DENND2A: variants seen among roughly 807,000 people sequenced by gnomAD.
DENND2A encodes the protein DENN domain containing 2A.
In DENND2A, 53 loss-of-function variants were observed where a neutral mutation model predicts 105.3. That is an observed-to-expected ratio of 0.50 (90% CI 0.40 to 0.63). The LOEUF is 0.63. Among genes scored for constraint, DENND2A ranks in the 30% least tolerant of loss-of-function variants. The pLI is 0.00. For missense variants in DENND2A, 1,138 were observed against 1,279.6 expected (o/e 0.89, Z 1.69); for synonymous variants, 522 against 508.4 (o/e 1.03, Z -0.36).
intron 6 of DENND2A, among the ~76,000 whole-genome samples, chr7:140,573,512 C>G (rs765536960): frequency 1.3e-5 from 2 of 152,046 alleles, no homozygotes; most frequent in Admixed American, 6.6e-5. Flanking sequence ...TTTTTTGTGG[C>G]GGTGAAGGAA....
intron 1 of DENND2A, among the ~76,000 whole-genome samples, chr7:140,631,294 T>C (rs2130737603): frequency 6.6e-6 from 1 of 152,310 alleles, no homozygotes; most frequent in Non-Finnish European, 1.5e-5. Context: ...GTTCTGCTTC[T>C]TTCTTGGTCC....
intron 12 of DENND2A, among the ~76,000 whole-genome samples, chr7:140,550,107 G>T (rs1200063948): frequency 8.0e-6 from 1 of 125,030 alleles, no homozygotes; most frequent in Non-Finnish European, 1.7e-5. Context: ...AATGGCGATG[G>T]TGAGGGGTTA....
intron 11 of DENND2A, among the ~76,000 whole-genome samples, chr7:140,557,755 G>T (rs992444760): frequency 1.0e-4 from 15 of 149,394 alleles, no homozygotes. Flanking sequence ...AGCCAGGATG[G>T]TCTCGATCTC....
At chr7:140,594,456 C>T (rs898080522) in intron 3 of DENND2A, among the ~76,000 whole-genome samples, 57 of 152,280 alleles carry the variant, frequency 3.7e-4, no homozygotes, top group African/African-American at 1.3e-3. Context: ...TCCCCACCCT[C>T]CCGCTGGCCC....
chr7:140,555,602 T>C (rs201765167), intron 12 of DENND2A, 34 bp downstream of exon 12: 6 of 1,606,060 alleles, frequency 3.7e-6, no homozygotes, highest in Non-Finnish European at 5.1e-6. Flanking sequence ...TCCCGTTCCT[T>C]CCCTTCCTCT....
rs6965644 is a variant in DENND2A, at chr7:140,527,674, A to G, written c.2328-179T>C. Among the ~76,000 whole-genome samples the G allele has an allele frequency of 0.36, 55,064 of 151,706 alleles. 10,300 individuals are homozygous for G. The highest frequency in any genetic ancestry group is 0.42 in the Admixed American group (6,395 of 15,262). On this transcript the variant is annotated intron_variant, in intron 14 of 19. Coordinates refer to ENST00000496613, the MANE Select transcript of DENND2A (RefSeq NM_015689.5). The surrounding 1 kb of genome is among the most constrained non-coding windows in gnomAD (Gnocchi z 4.9). ...ACACCAGGCACTTAGAGCCTATGCG[A>G]GAGGCTTGCAGGCACAGCTACAGGG... is the stretch of plus-strand genomic sequence containing the variant.
chr7:140,618,562 G>C (rs1430426555), intron 1 of DENND2A, among the ~76,000 whole-genome samples: 1 of 152,136 alleles, frequency 6.6e-6, no homozygotes, highest in African/African-American at 2.4e-5. Context: ...TCTATGTTTT[G>C]AATCCAAGTC....
chr7:140,549,582 A>G (rs1797035912), intron 12 of DENND2A, among the ~76,000 whole-genome samples: 1 of 152,142 alleles, frequency 6.6e-6, no homozygotes, highest in Non-Finnish European at 1.5e-5. Flanking sequence ...AACATAAAAT[A>G]TATCAATGAT....
At chr7:140,573,436 G>T (rs973605760) in intron 6 of DENND2A, among the ~76,000 whole-genome samples, 15 of 152,342 alleles carry the variant, frequency 9.8e-5, no homozygotes, top group Middle Eastern at 3.4e-3. Flanking sequence ...TCAGAGCACA[G>T]ACTGGGACCT....
Position 140,609,230 on chromosome 7 carries a change from T to C in DENND2A, c.-247-3424A>G, listed in dbSNP as rs140884688. ...GCTATTACTAATAATTTTAATTAAC[T>C]GGCTGGGCATGGTGGCTCATGCCTA... On this transcript the variant is annotated intron_variant, in intron 1 of 19. Transcript: ENST00000496613. Among the ~76,000 whole-genome samples the C allele has an allele frequency of 4.5e-4, 68 of 152,294 alleles. 3 individuals are homozygous for C. The East Asian group carries it at 0.013, about 29-fold the overall frequency.
At chr7:140,557,527 ATATATTTTTTTTT>A (rs1409573473) in intron 11 of DENND2A, among the ~76,000 whole-genome samples, 9 of 33,174 alleles carry the variant, frequency 2.7e-4, no homozygotes, top group African/African-American at 6.4e-4. Context: ...ATATATATAT[ATATATTTTTTTTT>A]TTTTTTTTTT....
chr7:140,641,175 G>A (rs918682342), upstream of DENND2A, among the ~76,000 whole-genome samples: 2 of 152,198 alleles, frequency 1.3e-5, no homozygotes, highest in Admixed American at 1.3e-4. Flanking sequence ...GCACCGGGCC[G>A]GGGCCGGGGG....
At chr7:140,542,040 C>T (rs1028377877) in intron 14 of DENND2A, among the ~76,000 whole-genome samples, 1 of 152,030 alleles carries the variant, frequency 6.6e-6, no homozygotes, top group African/African-American at 2.4e-5. Flanking sequence ...CTCCAAACCA[C>T]AGTGCTTCAG....
intron 3 of DENND2A, among the ~76,000 whole-genome samples, chr7:140,588,023 G>A (rs1798859358): frequency 6.6e-6 from 1 of 152,146 alleles, no homozygotes; most frequent in South Asian, 2.1e-4. Flanking sequence ...CAATTCTTCT[G>A]CCTCAGCCTC....
intron 11 of DENND2A, among the ~76,000 whole-genome samples, chr7:140,557,789 C>G (rs562324607): frequency 9.3e-5 from 14 of 151,034 alleles, no homozygotes; most frequent in African/African-American, 3.4e-4. Context: ...CCGCCCGTCT[C>G]GGCCTCCCAA....
intron 1 of DENND2A, among the ~76,000 whole-genome samples, chr7:140,634,286 C>T (rs867013733): frequency 6.6e-6 from 1 of 152,132 alleles, no homozygotes; most frequent in Non-Finnish European, 1.5e-5. Context: ...GCGTGAGCCA[C>T]CGCGCCCGGC....
chr7:140,587,724 TCCA>T lies in DENND2A; in HGVS notation c.1049_1051del (p.Val350del), dbSNP rs1206009726. On this transcript the variant is annotated inframe_deletion, in exon 4 of 20. Coordinates refer to ENST00000496613, the MANE Select transcript of DENND2A (RefSeq NM_015689.5). ...CCCCAGCTTAGTCTGCGCGTACCAGTCCACCCTGCTGCTCTCAGAGGAAGACTG... is the reference window on the plus strand; with the variant it reads ...CCCCAGCTTAGTCTGCGCGTACCAGTCCCTGCTGCTCTCAGAGGAAGACTG... The T allele has an allele frequency of 4.1e-5, 66 of 1,612,298 alleles. No individual in the cohort carries two copies. Among genetic ancestry groups the T allele is most frequent in the Non-Finnish European group, 5.5e-5 (65 of 1,178,722 alleles).
At chr7:140,548,621 A>AT (rs552050748) in intron 12 of DENND2A, among the ~76,000 whole-genome samples, 14,278 of 150,100 alleles carry the variant, frequency 0.095, 742 homozygotes, top group Admixed American at 0.15. Context: ...TTTATTTTTT[A>AT]TTTTTTTTTG....
chr7:140,590,305 G>A (rs958946682), intron 3 of DENND2A, among the ~76,000 whole-genome samples: 13 of 152,038 alleles, frequency 8.6e-5, no homozygotes, highest in South Asian at 4.1e-4. Context: ...CAGGAGAATC[G>A]CTTGAACCGG....
Sources: gnomAD v4.1 joint callset for allele counts (sites outside exome capture counted in the v4.1 genomes callset) on GRCh38, gnomAD v4.1.1 for gene constraint, Gnocchi (gnomAD v3.1) non-coding constraint, MANE v1.5 for transcripts, NCBI Gene and HGNC (gene_info 2026-07-23, HGNC 2026-07-21) for gene names.